The following PRKAR2B variants were observed in gnomAD, a reference collection of about 807,000 sequenced individuals.
The protein encoded by PRKAR2B is protein kinase cAMP-dependent type II regulatory subunit beta.
A neutral mutation model predicts 49.9 loss-of-function variants in PRKAR2B; 14 were observed. The ratio of observed to expected loss-of-function variants is 0.28; its 90% CI spans 0.19 to 0.44. PRKAR2B has a LOEUF of 0.44. PRKAR2B is among the 20% of genes least tolerant of loss of function. The pLI is 1.00. For synonymous variants in PRKAR2B, 196 were observed against 197.7 expected (o/e 0.99, Z 0.07); for missense variants, 393 against 537.9 (o/e 0.73, Z 2.67).
intron 2 of PRKAR2B, among the ~76,000 whole-genome samples, chr7:107,113,205 T>C (rs1164202172): frequency 6.6e-6 from 1 of 152,166 alleles, no homozygotes; most frequent in Non-Finnish European, 1.5e-5. Flanking sequence ...AAGACAAAAT[T>C]GTATTCTGGT....
chr7:107,069,777 C>T (rs1029784978), intron 1 of PRKAR2B: 1 of 152,484 alleles, frequency 6.6e-6, no homozygotes, highest in Non-Finnish European at 1.5e-5. Flanking sequence ...TATCCTTCAG[C>T]TAAAGATGAT....
intron 10 of PRKAR2B, among the ~76,000 whole-genome samples, chr7:107,158,789 C>CT (rs1317063255): frequency 6.6e-6 from 1 of 152,010 alleles, no homozygotes; most frequent in Non-Finnish European, 1.5e-5. Context: ...CCTTTTTTAT[C>CT]TTTTTATCTT....
At chr7:107,151,365 C>G (rs373522230) in intron 7 of PRKAR2B, among the ~76,000 whole-genome samples, 1 of 152,164 alleles carries the variant, frequency 6.6e-6, no homozygotes, top group Non-Finnish European at 1.5e-5. Context: ...TATAGAATGT[C>G]CTCTCTGGCC....
chr7:107,095,764 G>A (rs1253518854), intron 2 of PRKAR2B, among the ~76,000 whole-genome samples: 1 of 152,218 alleles, frequency 6.6e-6, no homozygotes, highest in East Asian at 1.9e-4. Context: ...AGATAATCAT[G>A]TGGTTTTTGT....
intron 1 of PRKAR2B, among the ~76,000 whole-genome samples, chr7:107,060,728 C>T (rs1448731096): frequency 6.9e-6 from 1 of 144,174 alleles, no homozygotes; most frequent in Non-Finnish European, 1.5e-5. Context: ...TTTGTCTTTT[C>T]ATTTTGTTTA....
At chr7:107,057,781 CA>C (rs1490554754) in intron 1 of PRKAR2B, among the ~76,000 whole-genome samples, 2 of 151,274 alleles carry the variant, frequency 1.3e-5, no homozygotes, top group African/African-American at 4.9e-5. Context: ...AAAAACACAA[CA>C]AAACCAAAAG....
chr7:107,112,567 A>G (rs1002586890), intron 2 of PRKAR2B, among the ~76,000 whole-genome samples: 3 of 152,142 alleles, frequency 2.0e-5, no homozygotes, highest in Non-Finnish European at 4.4e-5. Context: ...ATGTTTACCA[A>G]ATCTTATTTT....
chr7:107,144,004 C>T (rs937437119), intron 5 of PRKAR2B, among the ~76,000 whole-genome samples: 3 of 152,086 alleles, frequency 2.0e-5, no homozygotes, highest in Admixed American at 6.5e-5. Flanking sequence ...AGTAGTTTCC[C>T]TTGAAACAGT....
At chr7:107,081,785 G>C (rs999544440) in intron 2 of PRKAR2B, 7 of 152,168 alleles carry the variant, frequency 4.6e-5, no homozygotes, top group African/African-American at 1.7e-4. Flanking sequence ...GTGGAAAGAA[G>C]GGGCCTTTCA....
intron 1 of PRKAR2B, among the ~76,000 whole-genome samples, chr7:107,054,036 A>G (rs1441468955): frequency 6.6e-6 from 1 of 152,192 alleles, no homozygotes; most frequent in Non-Finnish European, 1.5e-5. Flanking sequence ...TCTTTTGTAA[A>G]TATGCATTAA....
At chr7:107,073,897 C>G (rs1794336091) in intron 2 of PRKAR2B, among the ~76,000 whole-genome samples, 1 of 151,542 alleles carries the variant, frequency 6.6e-6, no homozygotes, top group Non-Finnish European at 1.5e-5. Context: ...CCCTTCTCTA[C>G]CAAAAAATAC....
chr7:107,159,102 A>G (rs1188807051), intron 10 of PRKAR2B, among the ~76,000 whole-genome samples: 4 of 152,188 alleles, frequency 2.6e-5, no homozygotes, highest in Admixed American at 6.5e-5. Flanking sequence ...ACCCTTGAGG[A>G]GTTCACATTG....
intron 4 of PRKAR2B, among the ~76,000 whole-genome samples, chr7:107,132,161 TGAG>T (rs1230337251): frequency 6.6e-6 from 1 of 151,962 alleles, no homozygotes; most frequent in Non-Finnish European, 1.5e-5. Context: ...CCTCTGAAAA[TGAG>T]GAGGGAATCA....
chr7:107,069,003 T>A (rs1794208800), intron 1 of PRKAR2B: 2 of 152,388 alleles, frequency 1.3e-5, no homozygotes, highest in South Asian at 4.1e-4. Context: ...GGCGTGATCT[T>A]GGCTCACTGC....
chr7:107,055,109 A>G (rs1449288401), intron 1 of PRKAR2B, among the ~76,000 whole-genome samples: 1 of 152,168 alleles, frequency 6.6e-6, no homozygotes, highest in African/African-American at 2.4e-5. Context: ...GATGGTTTCC[A>G]GCTTCATCCA....
At chr7:107,156,926 A>G in intron 8 of PRKAR2B, 58 bp from the exon 9 acceptor site, 1 of 1,433,086 alleles carries the variant, frequency 7.0e-7, no homozygotes, top group Non-Finnish European at 9.8e-7. Flanking sequence ...AAAGGTAACA[A>G]GATTGTTGTC....
intron 4 of PRKAR2B, among the ~76,000 whole-genome samples, chr7:107,133,228 A>T (rs1473052927): frequency 6.6e-6 from 1 of 152,202 alleles, no homozygotes; most frequent in African/African-American, 2.4e-5. Context: ...ATTGACTAGA[A>T]CAGACACCTG....
intron 2 of PRKAR2B, among the ~76,000 whole-genome samples, chr7:107,071,709 C>G (rs983801523): frequency 2.0e-5 from 3 of 152,162 alleles, no homozygotes; most frequent in African/African-American, 7.2e-5. Flanking sequence ...CCATTTCTAC[C>G]TCAAACCGTA....
At chr7:107,085,202 G>A (rs1369570206) in intron 2 of PRKAR2B, among the ~76,000 whole-genome samples, 1 of 152,110 alleles carries the variant, frequency 6.6e-6, no homozygotes, top group African/African-American at 2.4e-5. Flanking sequence ...TGAGGAGAGG[G>A]AGGAATATAC....
Sources: allele counts gnomAD v4.1 joint callset (sites outside exome capture counted in the v4.1 genomes callset), GRCh38; gene constraint gnomAD v4.1.1; transcripts MANE v1.5; gene names NCBI Gene and HGNC (gene_info 2026-07-23, HGNC 2026-07-21).